Variants in UNC5D observed in about 807,000 individuals in gnomAD.
UNC5D encodes netrin receptor UNC5D.
Under a neutral mutation model 105.4 loss-of-function variants are expected in UNC5D, and 39 were observed. The observed-to-expected ratio is 0.37, with a 90% CI of 0.29 to 0.48. UNC5D has a LOEUF of 0.48. Among genes scored for constraint, UNC5D ranks in the 20% least tolerant of loss-of-function variants. UNC5D has a pLI of 0.98. For synonymous variants in UNC5D, 452 were observed against 450.4 expected (o/e 1.00, Z -0.04); for missense variants, 991 against 1,202.4 (o/e 0.82, Z 2.60).
intron 4 of UNC5D, among the ~76,000 whole-genome samples, chr8:35,616,514 G>A (rs955611457): frequency 2.6e-5 from 4 of 152,138 alleles, no homozygotes; most frequent in African/African-American, 4.8e-5. Flanking sequence ...TAACTCTCCC[G>A]ATTTGATGGC....
At chr8:35,625,572 C>G (rs1821656200) in intron 4 of UNC5D, among the ~76,000 whole-genome samples, 1 of 152,046 alleles carries the variant, frequency 6.6e-6, no homozygotes, top group Non-Finnish European at 1.5e-5. Context: ...GGCAGGATTG[C>G]TATATTGTAA....
intron 1 of UNC5D, among the ~76,000 whole-genome samples, chr8:35,463,276 C>T (rs377360138): frequency 1.1e-4 from 16 of 152,132 alleles, no homozygotes; most frequent in East Asian, 1.9e-4. Context: ...AAATTAGTTA[C>T]GAGAGAGATA....
chr8:35,575,855 G>T (rs1818052840), intron 3 of UNC5D, among the ~76,000 whole-genome samples: 1 of 151,968 alleles, frequency 6.6e-6, no homozygotes, highest in Admixed American at 6.6e-5. Flanking sequence ...TGTGCATCTA[G>T]CCAAGTAATC....
intron 10 of UNC5D, among the ~76,000 whole-genome samples, chr8:35,728,095 A>AATATATATATATATAT (rs1554596595): frequency 1.8e-5 from 2 of 110,366 alleles, no homozygotes; most frequent in African/African-American, 1.1e-4. Context: ...AAAAAAAAAA[A>AATATATATATATATAT]ATATATATAT....
At chr8:35,568,934 A>G (rs541471272) in intron 3 of UNC5D, among the ~76,000 whole-genome samples, 3 of 152,292 alleles carry the variant, frequency 2.0e-5, no homozygotes, top group Non-Finnish European at 4.4e-5. Context: ...AATCTGCAAG[A>G]ATACTACATT....
intron 1 of UNC5D, among the ~76,000 whole-genome samples, chr8:35,348,560 G>A (rs1811970351): frequency 6.6e-6 from 1 of 151,626 alleles, no homozygotes; most frequent in Non-Finnish European, 1.5e-5. Flanking sequence ...CTAGTCATGA[G>A]AAAAGGAACT....
chr8:35,635,868 C>T (rs1822338270), intron 4 of UNC5D, among the ~76,000 whole-genome samples: 1 of 152,162 alleles, frequency 6.6e-6, no homozygotes, highest in Admixed American at 6.5e-5. Flanking sequence ...ATTATGTTTT[C>T]AGCCTTTCCT....
chr8:35,655,185 A>C (rs2131200503), intron 4 of UNC5D, among the ~76,000 whole-genome samples: 2 of 152,370 alleles, frequency 1.3e-5, no homozygotes, highest in Middle Eastern at 6.8e-3. Context: ...TTACATGCAT[A>C]CTAAACATGC....
chr8:35,417,445 T>A (rs1359547002), intron 1 of UNC5D, among the ~76,000 whole-genome samples: 2 of 150,326 alleles, frequency 1.3e-5, no homozygotes, highest in African/African-American at 5.0e-5. Flanking sequence ...TAAGCTTGGA[T>A]ATACATTTTA....
chr8:35,609,472 G>A (rs1247339738), intron 4 of UNC5D, among the ~76,000 whole-genome samples: 4 of 152,184 alleles, frequency 2.6e-5, no homozygotes, highest in African/African-American at 9.6e-5. Context: ...AGAAAGCTAA[G>A]AAATTCTAAA....
At chr8:35,248,710 A>C (rs1305396466) in intron 1 of UNC5D, among the ~76,000 whole-genome samples, 1 of 98,480 alleles carries the variant, frequency 1.0e-5, no homozygotes, top group Non-Finnish European at 1.7e-5. Flanking sequence ...AATATATAAT[A>C]TATATAAAAT....
At chr8:35,569,283 G>A (rs955818389) in intron 3 of UNC5D, among the ~76,000 whole-genome samples, 2 of 152,120 alleles carry the variant, frequency 1.3e-5, no homozygotes, top group South Asian at 4.1e-4. Flanking sequence ...GTGTGCCTGG[G>A]ATGGTAAAAT....
chr8:35,270,382 A>G (rs978150296), intron 1 of UNC5D, among the ~76,000 whole-genome samples: 6 of 152,142 alleles, frequency 3.9e-5, no homozygotes, highest in Admixed American at 6.5e-5. Flanking sequence ...TAATTCAACC[A>G]ATGTCCATCT....
chr8:35,782,624 C>T (rs1802555276), intron 16 of UNC5D, among the ~76,000 whole-genome samples: 1 of 151,910 alleles, frequency 6.6e-6, no homozygotes, highest in Non-Finnish European at 1.5e-5. Context: ...CTGCCTCAGC[C>T]TCCCAAGTAG....
chr8:35,413,851 G>C (rs1008137760), intron 1 of UNC5D, among the ~76,000 whole-genome samples: 1 of 152,068 alleles, frequency 6.6e-6, no homozygotes, highest in Non-Finnish European at 1.5e-5. Flanking sequence ...TTTTCTAGTA[G>C]GATAAGTCTT....
rs369443940 is a variant in UNC5D, at chr8:35,626,816, A to G, written c.570+31159A>G. Among the ~76,000 whole-genome samples the G allele has an allele frequency of 3.9e-5, 6 of 152,314 alleles. 1 individual carries two copies. The highest frequency in any genetic ancestry group is 1.4e-4 in the African/African-American group (6 of 41,580). On this transcript the variant is annotated intron_variant, in intron 4 of 16. Coordinates refer to ENST00000404895, the MANE Select transcript of UNC5D (RefSeq NM_080872.4). ...TATACATGTAGGGCCTAGTCTATAT[A>G]TGAAAACACCTTGCTGATACTTTTT...
At chr8:35,550,801 T>C (rs1304873538) in intron 2 of UNC5D, among the ~76,000 whole-genome samples, 3 of 152,140 alleles carry the variant, frequency 2.0e-5, no homozygotes, top group Non-Finnish European at 1.5e-5. Flanking sequence ...GAAAGGAACA[T>C]TGATGAATAT....
At chr8:35,699,132 G>T (rs1826999611) in intron 7 of UNC5D, among the ~76,000 whole-genome samples, 1 of 152,074 alleles carries the variant, frequency 6.6e-6, no homozygotes, top group South Asian at 2.1e-4. Flanking sequence ...AACACACATG[G>T]AATCAGTAGG....
chr8:35,534,825 T>C (rs1814711978), intron 1 of UNC5D, among the ~76,000 whole-genome samples: 1 of 152,076 alleles, frequency 6.6e-6, no homozygotes, highest in Non-Finnish European at 1.5e-5. Context: ...AGAAAATATA[T>C]ACATATATAT....
Sources: allele counts gnomAD v4.1 joint callset (sites outside exome capture counted in the v4.1 genomes callset), GRCh38; gene constraint gnomAD v4.1.1; transcripts MANE v1.5; gene names NCBI Gene and HGNC (gene_info 2026-07-23, HGNC 2026-07-21).